GLI3: variants seen among roughly 807,000 people sequenced by gnomAD.
GLI3 encodes transcription activator GLI3.
A neutral mutation model predicts 100.8 loss-of-function variants in GLI3; 20 were observed. That is an observed-to-expected ratio of 0.20 (90% CI 0.14 to 0.29). GLI3 has a LOEUF of 0.29. Among genes scored for constraint, GLI3 ranks in the 10% least tolerant of loss-of-function variants. The pLI is 1.00. For synonymous variants in GLI3, 938 were observed against 860.5 expected (o/e 1.09, Z -1.58); for missense variants, 2,040 against 2,128.5 (o/e 0.96, Z 0.82).
chr7:42,031,676 G>T (rs897357378), intron 7 of GLI3, among the ~76,000 whole-genome samples: 1 of 152,158 alleles, frequency 6.6e-6, no homozygotes. Flanking sequence ...AGCAGACAAG[G>T]AGAAAAATGT....
intron 4 of GLI3, among the ~76,000 whole-genome samples, chr7:42,055,004 T>G (rs1784422565): frequency 6.9e-6 from 1 of 144,792 alleles, no homozygotes. Flanking sequence ...CAAATATATA[T>G]ATGTATACCT....
At chr7:41,984,208 C>T (rs1787751623) in intron 10 of GLI3, among the ~76,000 whole-genome samples, 1 of 152,188 alleles carries the variant, frequency 6.6e-6, no homozygotes, top group South Asian at 2.1e-4. Flanking sequence ...CCACAATGGA[C>T]TTTACTGAGC....
chr7:42,129,720 G>C (rs996838165), intron 3 of GLI3, among the ~76,000 whole-genome samples: 6 of 152,124 alleles, frequency 3.9e-5, no homozygotes, highest in Non-Finnish European at 7.4e-5. Flanking sequence ...CTGAGGCAGA[G>C]AACTGCTTGA....
intron 2 of GLI3, among the ~76,000 whole-genome samples, chr7:42,182,798 C>T (rs1349189115): frequency 1.3e-5 from 2 of 150,468 alleles, no homozygotes; most frequent in Non-Finnish European, 2.9e-5. Context: ...TTTGGCCAGG[C>T]GTGATGGCTC....
intron 10 of GLI3, among the ~76,000 whole-genome samples, chr7:42,005,435 A>C (rs1361815418): frequency 6.8e-6 from 1 of 147,930 alleles, no homozygotes; most frequent in African/African-American, 2.5e-5. Flanking sequence ...CTGCTAAAAA[A>C]CATTTTTTAT....
At chr7:42,098,798 T>G (rs1785395827) in intron 3 of GLI3, among the ~76,000 whole-genome samples, 2 of 152,072 alleles carry the variant, frequency 1.3e-5, no homozygotes, top group Admixed American at 1.3e-4. Context: ...GGAAATAAAA[T>G]GGGCCCAGTA....
At chr7:42,032,909 A>G (rs942811292) in intron 7 of GLI3, among the ~76,000 whole-genome samples, 3 of 152,206 alleles carry the variant, frequency 2.0e-5, no homozygotes, top group African/African-American at 7.2e-5. Context: ...TCCCTAACAT[A>G]ACAGCTTTTC....
At chr7:42,186,418 A>C (rs539503038) in intron 2 of GLI3, among the ~76,000 whole-genome samples, 32 of 152,308 alleles carry the variant, frequency 2.1e-4, no homozygotes, top group African/African-American at 7.7e-4. Flanking sequence ...AGAAAGAATA[A>C]TGACGTTCTT....
At chr7:42,231,804 T>A (rs1254105956) in intron 1 of GLI3, among the ~76,000 whole-genome samples, 1 of 152,146 alleles carries the variant, frequency 6.6e-6, no homozygotes, top group Non-Finnish European at 1.5e-5. Context: ...TTATCTTTCA[T>A]CTAAATGGTG....
intron 6 of GLI3, among the ~76,000 whole-genome samples, chr7:42,040,778 C>T (rs1784119878): frequency 6.6e-6 from 1 of 152,214 alleles, no homozygotes. Context: ...ATTACTAAAA[C>T]AACTTCTACA....
rs574103884 is a variant in GLI3, at chr7:42,133,938, C to T, written c.367+14288G>A. Among the ~76,000 whole-genome samples, 20 of 151,858 alleles carry T rather than the reference C, an allele frequency of 1.3e-4. No homozygotes were observed. In the South Asian group the frequency reaches 2.3e-3, roughly 17 times the overall value. On this transcript the variant is annotated intron_variant, in intron 3 of 14. Transcript: ENST00000395925. ...ATCTACTATAAATACAAAAATTAGC[C>T]GGCGTGGTGTCGCGTGCCCATAATC...
At chr7:42,199,335 G>A (rs1248353125) in intron 2 of GLI3, among the ~76,000 whole-genome samples, 1 of 152,120 alleles carries the variant, frequency 6.6e-6, no homozygotes, top group Non-Finnish European at 1.5e-5. Context: ...CAGGCATCAG[G>A]CAAGATATCT....
At chr7:42,204,604 T>C (rs1788112031) in intron 2 of GLI3, among the ~76,000 whole-genome samples, 1 of 152,216 alleles carries the variant, frequency 6.6e-6, no homozygotes, top group South Asian at 2.1e-4. Flanking sequence ...TAAGTGTTTG[T>C]TGACTATGGA....
rs1787032753 is a variant in GLI3, at chr7:41,962,328, A to G, written c.*2002T>C. On this transcript the variant is annotated 3_prime_UTR_variant, in exon 15 of 15. Coordinates refer to ENST00000395925, the MANE Select transcript of GLI3 (RefSeq NM_000168.6). ...AGACTGGAGATTTGGAGATTTGTGG[A>G]AAAGTGAGACTGGATCTCTGATTCT... 6.6e-6 allele frequency: 1 copy of G among 152,236 alleles called. No homozygotes were observed. The allele number at this position is 152,236 out of a possible 1,614,324, so 9.4% of individuals were successfully genotyped here.
chr7:42,165,707 C>T (rs1320589759), intron 2 of GLI3, among the ~76,000 whole-genome samples: 1 of 152,146 alleles, frequency 6.6e-6, no homozygotes, highest in Non-Finnish European at 1.5e-5. Context: ...CCTGCCTGAG[C>T]TGACCACAGA....
chr7:41,973,601 A>G (rs1787424545), intron 12 of GLI3, among the ~76,000 whole-genome samples: 1 of 152,202 alleles, frequency 6.6e-6, no homozygotes, highest in Non-Finnish European at 1.5e-5. Flanking sequence ...GCTTTCATGA[A>G]TATATATTTA....
Position 41,972,205 on chromosome 7 carries a change from T to C in GLI3, c.2103+132A>G. On this transcript the variant is annotated intron_variant, in intron 13 of 14. Transcript: ENST00000395925. The surrounding 1 kb of genome is among the most constrained non-coding windows in gnomAD (Gnocchi z 4.4). The stretch of plus-strand genomic sequence containing the variant: ...ACTTCACGTAAGCAATACGGGTCAC[T>C]GCCCTCATCGCCTCCTCAGATCAGA... 1.2e-6 allele frequency: 1 copy of C among 859,584 alleles called. No individual in the cohort carries two copies. Among genetic ancestry groups the C allele is most frequent in the South Asian group, 1.3e-5 (1 of 74,866 alleles). The allele number at this position is 859,584 out of a possible 1,614,324, so 53.2% of individuals were successfully genotyped here. A position where few individuals can be genotyped will look rare whatever the true frequency, so the allele number is the denominator to read the frequency against.
At chr7:42,002,940 C>A (rs918950469) in intron 10 of GLI3, among the ~76,000 whole-genome samples, 8 of 152,134 alleles carry the variant, frequency 5.3e-5, no homozygotes, top group Non-Finnish European at 7.4e-5. Flanking sequence ...TAGAATAGTG[C>A]CTGGCATGTA....
intron 2 of GLI3, among the ~76,000 whole-genome samples, chr7:42,170,448 A>G (rs1787347662): frequency 8.3e-6 from 1 of 120,758 alleles, no homozygotes; most frequent in Admixed American, 1.1e-4. Flanking sequence ...TGTCGCCCAG[A>G]TTGGAGTGCA....
Sources: allele counts gnomAD v4.1 joint callset (sites outside exome capture counted in the v4.1 genomes callset), GRCh38; gene constraint gnomAD v4.1.1; non-coding constraint Gnocchi (gnomAD v3.1); transcripts MANE v1.5; gene names NCBI Gene and HGNC (gene_info 2026-07-23, HGNC 2026-07-21).